Variants in VCL observed in about 807,000 individuals in gnomAD.
VCL encodes the protein epididymis luminal protein 114.
Under a neutral mutation model 125.7 loss-of-function variants are expected in VCL, and 47 were observed. The ratio of observed to expected loss-of-function variants is 0.37; its 90% CI spans 0.30 to 0.48. The LOEUF (loss-of-function observed/expected upper bound fraction) is 0.48. Ranked by LOEUF, VCL falls within the 20% of genes least tolerant of loss-of-function variation. The pLI, the probability that VCL is intolerant of heterozygous loss-of-function variation, is 0.99. For synonymous variants in VCL, 458 were observed against 514.6 expected (o/e 0.89, Z 1.49); for missense variants, 1,069 against 1,455.5 (o/e 0.73, Z 4.32).
At chr10:74,056,206 T>A (rs1052561055) in intron 2 of VCL, among the ~76,000 whole-genome samples, 1 of 151,334 alleles carries the variant, frequency 6.6e-6, no homozygotes, top group African/African-American at 2.4e-5. Context: ...GGTGTGTGTG[T>A]GTGTTTAGGC....
intron 1 of VCL, among the ~76,000 whole-genome samples, chr10:74,042,678 C>T (rs1247182217): frequency 2.0e-5 from 3 of 152,114 alleles, no homozygotes; most frequent in African/African-American, 4.8e-5. Flanking sequence ...TTCCCAGTTC[C>T]AATAACTTCG....
At chr10:74,089,425 C>T in intron 9 of VCL, 76 bp downstream of exon 9, 1 of 1,590,328 alleles carries the variant, frequency 6.3e-7, no homozygotes, top group Non-Finnish European at 8.5e-7. Flanking sequence ...TATCTTTCTT[C>T]TCTGTCTCTT....
intron 21 of VCL, among the ~76,000 whole-genome samples, chr10:74,115,183 T>C (rs1840292580): frequency 6.6e-6 from 1 of 151,964 alleles, no homozygotes; most frequent in Admixed American, 6.6e-5. Context: ...AAGCTGTGAT[T>C]GCACCACTGC....
Position 74,105,139 on chromosome 10 carries a change from T to A in VCL, c.2220T>A (p.Ala740=). 1.2e-6 allele frequency: 2 copies of A among 1,614,228 alleles called. No homozygotes were observed. The highest frequency in any genetic ancestry group is 1.7e-6 in the Non-Finnish European group (2 of 1,180,038). ...IKKDLDKCKV[A]MANIQPQMLV... is the part of the protein sequence containing the mutation. ...AAGACCTGGACAAGTGCAAGGTAGC[T>A]ATGGCCAACATTCAGCCTCAGATGC... is the stretch of plus-strand genomic sequence containing the variant. Residue 740 remains alanine (A), a synonymous_variant, in exon 16 of 22, where the codon GCT becomes GCA. Coordinates refer to ENST00000211998, the MANE Select transcript of VCL (RefSeq NM_014000.3).
chr10:74,059,743 C>T (rs1046258253), intron 2 of VCL, among the ~76,000 whole-genome samples: 4 of 152,168 alleles, frequency 2.6e-5, no homozygotes, highest in African/African-American at 9.7e-5. Context: ...GTACTTGTCT[C>T]CTCCTACCAA....
intron 1 of VCL, among the ~76,000 whole-genome samples, chr10:74,013,699 C>T (rs1840479844): frequency 1.3e-5 from 2 of 152,050 alleles, no homozygotes; most frequent in South Asian, 4.1e-4. Flanking sequence ...TTCTCTTGAT[C>T]CTCCTATGTA....
intron 13 of VCL, among the ~76,000 whole-genome samples, chr10:74,098,839 T>C (rs1039088401): frequency 7.9e-5 from 12 of 152,200 alleles, no homozygotes; most frequent in African/African-American, 2.9e-4. Context: ...GACTTCTCTT[T>C]CAGGCTAGTA....
rs1554820092 is a variant in VCL at position 74,120,010 on chromosome 10, T to TTAA, written c.*1842_*1844dup. 2.6e-4 allele frequency: 11 copies of TTAA among 42,976 alleles called. No homozygotes were observed. The highest frequency in any genetic ancestry group is 8.1e-4 in the African/African-American group (10 of 12,394). The allele number at this position is 42,976 out of a possible 1,614,324, so 2.7% of individuals were successfully genotyped here. A position where few individuals can be genotyped will look rare whatever the true frequency, so the allele number is the denominator to read the frequency against. On this transcript the variant is annotated 3_prime_UTR_variant, in exon 22 of 22. Coordinates refer to ENST00000211998, the MANE Select transcript of VCL (RefSeq NM_014000.3). Reference sequence around the variant, plus strand: ...AGTGCTCGAGACACAGTGAAGCAAATTAAAAAAAAAAAAAAAAAAAATCCC... The same window carrying TTAA: ...AGTGCTCGAGACACAGTGAAGCAAATTAATAAAAAAAAAAAAAAAAAAAATCCC...
At chr10:74,021,418 G>T (rs543975376) in intron 1 of VCL, among the ~76,000 whole-genome samples, 6 of 151,814 alleles carry the variant, frequency 4.0e-5, no homozygotes, top group African/African-American at 9.7e-5. Flanking sequence ...AACAAGAAAA[G>T]ATAGATAAAA....
intron 2 of VCL, among the ~76,000 whole-genome samples, chr10:74,046,665 G>C (rs978306007): frequency 3.9e-5 from 6 of 152,224 alleles, no homozygotes; most frequent in African/African-American, 1.4e-4. Context: ...TCACCCCTTG[G>C]AAGATACAGA....
intron 19 of VCL, among the ~76,000 whole-genome samples, chr10:74,113,179 G>A (rs946227642): frequency 2.0e-5 from 3 of 152,212 alleles, no homozygotes; most frequent in South Asian, 4.1e-4. Context: ...TGGACTTTTA[G>A]CTAGTTTTGA....
At chr10:74,079,203 G>A (rs1009645514) in intron 6 of VCL, among the ~76,000 whole-genome samples, 3 of 152,110 alleles carry the variant, frequency 2.0e-5, no homozygotes, top group East Asian at 1.9e-4. Context: ...GAATTCATAA[G>A]AATTTTATGT....
At chr10:74,027,906 A>T (rs991149861) in intron 1 of VCL, 1 of 152,220 alleles carries the variant, frequency 6.6e-6, no homozygotes, top group East Asian at 1.9e-4. Context: ...AGGGAAAAAA[A>T]CAGTCACAGA....
At chr10:74,090,725 C>A (rs1022693526) in intron 10 of VCL, among the ~76,000 whole-genome samples, 2 of 152,060 alleles carry the variant, frequency 1.3e-5, no homozygotes, top group Non-Finnish European at 2.9e-5. Context: ...CTCCCCACAG[C>A]CTCCTCTCCT....
chr10:74,026,955 G>A (rs1012299125), intron 1 of VCL, among the ~76,000 whole-genome samples: 1 of 152,192 alleles, frequency 6.6e-6, no homozygotes, highest in Non-Finnish European at 1.5e-5. Context: ...TGGAGACAAT[G>A]TTACATGGTT....
At chr10:74,023,648 A>G (rs145552027) in intron 1 of VCL, among the ~76,000 whole-genome samples, 47 of 152,344 alleles carry the variant, frequency 3.1e-4, no homozygotes, top group African/African-American at 1.1e-3. Context: ...TTCAATATCT[A>G]GGCTGCAGTA....
At chr10:74,089,044 TTA>T (rs1356401210) in intron 8 of VCL, 150 bp from the exon 9 acceptor site, 1 of 1,161,906 alleles carries the variant, frequency 8.6e-7, no homozygotes, top group Non-Finnish European at 1.2e-6. Flanking sequence ...CTTGCTTTGT[TTA>T]TGTCTGTTTT....
intron 7 of VCL, 118 bp downstream of exon 7, chr10:74,082,662 G>GATA: frequency 9.6e-7 from 1 of 1,040,052 alleles, no homozygotes; most frequent in Non-Finnish European, 1.5e-6. Context: ...AACATTATGG[G>GATA]GCATACCCCA....
chr10:74,101,588 G>A (rs1487065986), intron 14 of VCL, among the ~76,000 whole-genome samples: 3 of 119,108 alleles, frequency 2.5e-5, no homozygotes, highest in African/African-American at 1.0e-4. Flanking sequence ...TCGCTCTGTC[G>A]CCCAGGCCGG....
Sources: gnomAD v4.1 joint callset for allele counts (sites outside exome capture counted in the v4.1 genomes callset) on GRCh38, gnomAD v4.1.1 for gene constraint, MANE v1.5 for transcripts, NCBI Gene and HGNC (gene_info 2026-07-23, HGNC 2026-07-21) for gene names.